CACNB4: variants seen among roughly 807,000 people sequenced by gnomAD.
CACNB4 encodes the protein calcium voltage-gated channel auxiliary subunit beta 4.
CACNB4 carries 32 observed loss-of-function variants against 71.2 expected under a neutral mutation model. That is an observed-to-expected ratio of 0.45 (90% CI 0.34 to 0.60). The LOEUF (loss-of-function observed/expected upper bound fraction) is 0.60, where lower values mean the gene tolerates loss of function less well. CACNB4 is among the 20% of genes least tolerant of loss of function. CACNB4 has a pLI of 0.01. For synonymous variants in CACNB4, 231 were observed against 236.9 expected, an observed-to-expected ratio of 0.97 and a Z score of 0.23; for missense variants, 464 against 647.9, an observed-to-expected ratio of 0.72 and a Z score of 3.08.
At chr2:152,052,299 A>G (rs1317872797) in intron 2 of CACNB4, among the ~76,000 whole-genome samples, 1 of 152,144 alleles carries the variant, frequency 6.6e-6, no homozygotes, top group Non-Finnish European at 1.5e-5. Context: ...GATTATTCAC[A>G]TTATCTCTTT....
At chr2:152,094,947 G>T (rs1454566408) in intron 2 of CACNB4, among the ~76,000 whole-genome samples, 2 of 152,044 alleles carry the variant, frequency 1.3e-5, no homozygotes, top group East Asian at 3.8e-4. Context: ...TTCTAATTTG[G>T]GCCAGTTCTT....
chr2:151,994,530 G>T (rs113562525), intron 2 of CACNB4, among the ~76,000 whole-genome samples: 1,774 of 120,704 alleles, frequency 0.015, 36 homozygotes, highest in African/African-American at 0.052. Flanking sequence ...TTTTTTTTTT[G>T]AGGCACAGTC....
intron 2 of CACNB4, among the ~76,000 whole-genome samples, chr2:151,905,962 CA>C (rs1030197748): frequency 4.5e-4 from 68 of 152,282 alleles, no homozygotes; most frequent in African/African-American, 1.5e-3. Context: ...AGTGTTTAGT[CA>C]AAACTCTAAG....
chr2:151,958,097 G>GT (rs1448586328), intron 2 of CACNB4, among the ~76,000 whole-genome samples: 1 of 152,086 alleles, frequency 6.6e-6, no homozygotes, highest in East Asian at 1.9e-4. Context: ...CTAGGGACCT[G>GT]TTTTTTTCAC....
rs573729091 is a variant in CACNB4 at position 151,907,952 on chromosome 2, C to A, written c.148-24582G>T. 3.9e-5 allele frequency among the ~76,000 whole-genome samples: 6 copies of A among 152,304 alleles called. No homozygotes were observed. The East Asian group carries it at 7.7e-4, about 20-fold the overall frequency. ...GATAACAACCAGGAATAAAAAGCAT[C>A]CTGAGTTGGTGTTTCAAAAGGGTCA... is the stretch of plus-strand genomic sequence containing the variant. On this transcript the variant is annotated intron_variant, in intron 2 of 13. Transcript: ENST00000539935.
Position 152,098,561 on chromosome 2 carries a change from A to ACAGCCCCCCCCCCCCCCCCCCCCCCTC in CACNB4, c.64-149_64-148insGAGGGGGGGGGGGGGGGGGGGGGGCTG. ...CAAGTCTCCTCCGCGACTCCCAAAT[A>ACAGCCCCCCCCCCCCCCCCCCCCCCTC]CAGCCCCCACCCCCACCCACCCACT... On this transcript the variant is annotated intron_variant, in intron 1 of 13. Transcript: ENST00000539935. The surrounding 1 kb of genome is among the most constrained non-coding windows in gnomAD (Gnocchi z 5.3). 1 of 1,223,626 alleles carries ACAGCCCCCCCCCCCCCCCCCCCCCCTC rather than the reference A, an allele frequency of 8.2e-7. No individual in the cohort carries two copies. Among genetic ancestry groups the ACAGCCCCCCCCCCCCCCCCCCCCCCTC allele is most frequent in the Admixed American group, 2.0e-5 (1 of 50,936 alleles). 75.8% of individuals were successfully genotyped at this position (1,223,626 alleles called of 1,614,324 possible).
At chr2:151,898,002 C>A (rs1331492259) in intron 2 of CACNB4, among the ~76,000 whole-genome samples, 2 of 152,142 alleles carry the variant, frequency 1.3e-5, no homozygotes, top group African/African-American at 4.8e-5. Context: ...TTAATTAATT[C>A]AAGTGAGTAG....
intron 2 of CACNB4, among the ~76,000 whole-genome samples, chr2:152,021,414 G>A (rs537877182): frequency 2.0e-5 from 3 of 152,234 alleles, no homozygotes; most frequent in African/African-American, 7.2e-5. Flanking sequence ...CAAATAAGGA[G>A]TAATGTTACC....
chr2:152,003,460 AT>A (rs1579108222), intron 2 of CACNB4, among the ~76,000 whole-genome samples: 2 of 151,678 alleles, frequency 1.3e-5, no homozygotes, highest in African/African-American at 2.4e-5. Context: ...AAAAAAAAAA[AT>A]CTCTACAGCT....
Position 152,033,304 on chromosome 2 carries a change from G to C in CACNB4, c.147+65026C>G, listed in dbSNP as rs1423051703. 2.0e-5 allele frequency among the ~76,000 whole-genome samples: 3 copies of C among 152,226 alleles called. No individual in the cohort carries two copies. In the East Asian group the frequency reaches 5.8e-4, roughly 29 times the overall value. On this transcript the variant is annotated intron_variant, in intron 2 of 13. Transcript: ENST00000539935. ...GCTTCCATTAAATCCCCGCTTGGTG[G>C]TGTAGACGGGCTGCCACCACCTCTC...
intron 2 of CACNB4, among the ~76,000 whole-genome samples, chr2:152,094,808 C>G (rs1022879336): frequency 1.3e-5 from 2 of 152,154 alleles, no homozygotes; most frequent in South Asian, 2.1e-4. Context: ...TAAAATATGA[C>G]TAGATAATCC....
rs2099834153 is a variant in CACNB4 at position 151,833,083 on chromosome 2, C to G, written c.*6036G>C. On this transcript the variant is annotated 3_prime_UTR_variant, in exon 14 of 14. Transcript: ENST00000539935. ...GGGGACAAATTATTAAAATAAATAA[C>G]TAAAATTTAAAGAAAGAAAAAAAAT... is the stretch of plus-strand genomic sequence containing the variant. 6.6e-6 allele frequency: 1 copy of G among 151,738 alleles called. No homozygotes were observed. Among genetic ancestry groups the G allele is most frequent in the African/African-American group, 2.4e-5 (1 of 41,326 alleles). The allele number at this position is 151,738 out of a possible 1,614,324, so 9.4% of individuals were successfully genotyped here.
At chr2:152,035,630 C>CCTCTCCCTCTCTCTCT (rs1684533685) in intron 2 of CACNB4, among the ~76,000 whole-genome samples, 1 of 93,290 alleles carries the variant, frequency 1.1e-5, no homozygotes, top group Non-Finnish European at 2.0e-5. Flanking sequence ...CCTCCCTCTC[C>CCTCTCCCTCTCTCTCT]CTCTCTCTCT....
intron 13 of CACNB4, among the ~76,000 whole-genome samples, chr2:151,841,271 G>T (rs1187142916): frequency 6.6e-6 from 1 of 152,174 alleles, no homozygotes; most frequent in Non-Finnish European, 1.5e-5. Flanking sequence ...TTAAGAAGTG[G>T]CATTAAGAAG....
chr2:151,872,353 T>A, intron 6 of CACNB4, 64 bp downstream of exon 6: 1 of 881,376 alleles, frequency 1.1e-6, no homozygotes, highest in Non-Finnish European at 1.8e-6. Context: ...ACTACTTGCA[T>A]GTGTGTTCAA....
chr2:152,057,803 G>A (rs895336872), intron 2 of CACNB4, among the ~76,000 whole-genome samples: 1 of 151,870 alleles, frequency 6.6e-6, no homozygotes, highest in Admixed American at 6.6e-5. Flanking sequence ...TCTAGTCTCT[G>A]CCTATGGCAG....
intron 2 of CACNB4, among the ~76,000 whole-genome samples, chr2:151,884,638 A>C (rs2099848886): frequency 8.2e-6 from 1 of 121,450 alleles, no homozygotes; most frequent in Non-Finnish European, 1.7e-5. Flanking sequence ...CCGTCTCAAA[A>C]AAAAAAAAAA....
At chr2:151,931,195 T>G (rs1259691326) in intron 2 of CACNB4, among the ~76,000 whole-genome samples, 1 of 152,228 alleles carries the variant, frequency 6.6e-6, no homozygotes, top group South Asian at 2.1e-4. Context: ...AGCTGGCTAT[T>G]GATCAAGAAT....
At chr2:152,018,916 A>T (rs1480883023) in intron 2 of CACNB4, among the ~76,000 whole-genome samples, 1 of 152,038 alleles carries the variant, frequency 6.6e-6, no homozygotes, top group Non-Finnish European at 1.5e-5. Context: ...CTGAAAAGCT[A>T]GTATGAGGTC....
Sources: allele counts gnomAD v4.1 joint callset (sites outside exome capture counted in the v4.1 genomes callset), GRCh38; gene constraint gnomAD v4.1.1; non-coding constraint Gnocchi (gnomAD v3.1); transcripts MANE v1.5; gene names NCBI Gene and HGNC (gene_info 2026-07-23, HGNC 2026-07-21).